Variants in DLC1 observed in about 807,000 individuals in gnomAD.
DLC1 encodes rho GTPase-activating protein 7.
A neutral mutation model predicts 140.3 loss-of-function variants in DLC1; 54 were observed. The observed-to-expected ratio is 0.38, with a 90% CI of 0.31 to 0.48. The LOEUF (loss-of-function observed/expected upper bound fraction) is 0.48, where lower values mean the gene tolerates loss of function less well. Among genes scored for constraint, DLC1 ranks in the 20% least tolerant of loss-of-function variants. The pLI, the probability that DLC1 is intolerant of heterozygous loss-of-function variation, is 0.96. For missense variants in DLC1, 2,536 were observed against 1,907.0 expected, an observed-to-expected ratio of 1.33 and a Z score of -6.14; for synonymous variants, 986 against 728.1, an observed-to-expected ratio of 1.35 and a Z score of -5.70.
At chr8:13,462,727 A>G (rs796765730) in intron 2 of DLC1, among the ~76,000 whole-genome samples, 54 of 152,206 alleles carry the variant, frequency 3.5e-4, no homozygotes, top group African/African-American at 1.3e-3. Context: ...TTCTTGGTAA[A>G]TTGTTCTTAT....
chr8:13,319,853 C>T (rs867902496), intron 4 of DLC1, among the ~76,000 whole-genome samples: 115 of 82,316 alleles, frequency 1.4e-3, no homozygotes, highest in African/African-American at 3.6e-3. Context: ...GATGGAGTCT[C>T]GCTCTTTCGC....
In DLC1 at chr8:13,453,400, A is replaced by ATG. The variant is rs1166173314; in HGVS notation, c.1023+45647_1023+45648dup. Among the ~76,000 whole-genome samples the ATG allele has an allele frequency of 2.5e-3, 98 of 38,848 alleles. 1 individual carries two copies. The highest frequency in any genetic ancestry group is 2.8e-3 in the Non-Finnish European group (57 of 20,366). 25.5% of individuals were successfully genotyped at this position (38,848 alleles called of 152,430 possible). Reference sequence around the variant, plus strand: ...AAGATGGCCCAGGATATATATATATATGTGTATATATATATATATATATGT... The same window carrying ATG: ...AAGATGGCCCAGGATATATATATATATGTGTGTATATATATATATATATATGT... On this transcript the variant is annotated intron_variant, in intron 2 of 17. Coordinates refer to ENST00000276297, the MANE Select transcript of DLC1 (RefSeq NM_182643.3).
intron 2 of DLC1, among the ~76,000 whole-genome samples, chr8:13,478,338 C>A (rs1000846096): frequency 5.5e-4 from 84 of 152,268 alleles, no homozygotes; most frequent in Middle Eastern, 3.4e-3. Flanking sequence ...CAAGGCATCA[C>A]CAAGCCTGAG....
intron 5 of DLC1, chr8:13,160,284 TAAAA>T (rs1002500399): frequency 6.6e-6 from 1 of 152,076 alleles, no homozygotes; most frequent in Non-Finnish European, 1.5e-5. Flanking sequence ...CCTAAAAAAA[TAAAA>T]AAATTAAAAG....
chr8:13,099,526 C>G lies in DLC1; in HGVS notation c.2811G>C (p.Leu937=). Residue 937 remains leucine, a synonymous_variant, in exon 9 of 18, where the codon CTG becomes CTC. Transcript: ENST00000276297. ...FSDEGDSDSA[L]DSVSPCPSSP... ...AGGACGGGCAGGGAGAGACCGAGTC[C>G]AGGGCTGAGTCCGAATCTCCCTCAT... The G allele has an allele frequency of 6.2e-7, 1 of 1,614,160 alleles. No individual in the cohort carries two copies. Among genetic ancestry groups the G allele is most frequent in the South Asian group, 1.1e-5 (1 of 91,078 alleles).
intron 1 of DLC1, among the ~76,000 whole-genome samples, chr8:13,581,979 G>A (rs1346510363): frequency 1.3e-5 from 2 of 152,192 alleles, no homozygotes; most frequent in Middle Eastern, 3.2e-3. Context: ...GAGTGTGTGT[G>A]TGGGTGTGTG....
At chr8:13,443,368 G>T (rs1414403199) in intron 2 of DLC1, among the ~76,000 whole-genome samples, 1 of 133,568 alleles carries the variant, frequency 7.5e-6, no homozygotes, top group Non-Finnish European at 1.6e-5. Flanking sequence ...AAAAAAAACT[G>T]CCCAAATGAG....
chr8:13,157,558 A>G (rs536726599), intron 5 of DLC1, among the ~76,000 whole-genome samples: 8 of 152,328 alleles, frequency 5.3e-5, no homozygotes, highest in Admixed American at 1.3e-4. Context: ...CTCCCAAATC[A>G]TAGGCTAACT....
intron 4 of DLC1, among the ~76,000 whole-genome samples, chr8:13,317,159 T>C (rs1832890734): frequency 6.6e-6 from 1 of 152,194 alleles, no homozygotes; most frequent in African/African-American, 2.4e-5. Flanking sequence ...CTGACATATT[T>C]TCAATGTAGA....
chr8:13,168,947 A>C (rs1235377070), intron 5 of DLC1, among the ~76,000 whole-genome samples: 1 of 152,156 alleles, frequency 6.6e-6, no homozygotes, highest in Admixed American at 6.5e-5. Flanking sequence ...TTATTATCAT[A>C]ATGTTAGGGG....
intron 4 of DLC1, among the ~76,000 whole-genome samples, chr8:13,354,009 C>T (rs79231365): frequency 0.025 from 3,725 of 151,384 alleles, 136 homozygotes; most frequent in African/African-American, 0.086. Context: ...CACATTTCCA[C>T]TCCTTTGGAC....
At chr8:13,148,396 G>C (rs768794277) in intron 5 of DLC1, among the ~76,000 whole-genome samples, 1 of 152,136 alleles carries the variant, frequency 6.6e-6, no homozygotes, top group Non-Finnish European at 1.5e-5. Flanking sequence ...TTGGTTTTCT[G>C]TTCCTGTTAG....
intron 2 of DLC1, among the ~76,000 whole-genome samples, chr8:13,412,953 A>AAAAG (rs1563326151): frequency 6.8e-6 from 1 of 147,276 alleles, no homozygotes; most frequent in Non-Finnish European, 1.5e-5. Context: ...AAAAAAAAAA[A>AAAAG]ATGCCGGTTT....
chr8:13,451,037 CAA>C (rs1169620786), intron 2 of DLC1, among the ~76,000 whole-genome samples: 44 of 18,342 alleles, frequency 2.4e-3, no homozygotes, highest in East Asian at 8.1e-3. Flanking sequence ...GACTCCGTCT[CAA>C]AAAAAAAAAA....
chr8:13,464,884 C>T (rs11203491), intron 2 of DLC1, among the ~76,000 whole-genome samples: 72,651 of 150,450 alleles, frequency 0.48, 18,066 homozygotes, highest in East Asian at 0.61. Flanking sequence ...AGCAACATTA[C>T]CACCACTACT....
At chr8:13,545,080 G>A (rs1372166654) in intron 1 of DLC1, among the ~76,000 whole-genome samples, 2 of 151,802 alleles carry the variant, frequency 1.3e-5, no homozygotes, top group Non-Finnish European at 2.9e-5. Flanking sequence ...CACATAGTAG[G>A]CATTTAATAA....
chr8:13,553,321 A>G (rs34173397), intron 1 of DLC1, among the ~76,000 whole-genome samples: 17,977 of 145,560 alleles, frequency 0.12, 1,302 homozygotes, highest in Middle Eastern at 0.2. Context: ...TTCTCCATGC[A>G]TGTACTATAT....
intron 1 of DLC1, among the ~76,000 whole-genome samples, chr8:13,512,951 T>C (rs1009048890): frequency 7.2e-6 from 1 of 139,230 alleles, no homozygotes; most frequent in African/African-American, 2.7e-5. Flanking sequence ...TAATTAACAT[T>C]GGTGACAGTT....
At chr8:13,254,054 T>C (rs1830113728) in intron 5 of DLC1, among the ~76,000 whole-genome samples, 1 of 151,956 alleles carries the variant, frequency 6.6e-6, no homozygotes, top group South Asian at 2.1e-4. Context: ...ATATAAGCAG[T>C]CTACCAAATA....
Sources: gnomAD v4.1 joint callset for allele counts (sites outside exome capture counted in the v4.1 genomes callset) on GRCh38, gnomAD v4.1.1 for gene constraint, MANE v1.5 for transcripts, NCBI Gene and HGNC (gene_info 2026-07-23, HGNC 2026-07-21) for gene names.